Variants in EHBP1 observed in about 807,000 individuals in gnomAD.
EHBP1 encodes EH domain binding protein 1.
A neutral mutation model predicts 144.0 loss-of-function variants in EHBP1; 55 were observed. The ratio of observed to expected loss-of-function variants is 0.38; its 90% CI spans 0.31 to 0.48. The LOEUF (loss-of-function observed/expected upper bound fraction) is 0.48. Among genes scored for constraint, EHBP1 ranks in the 20% least tolerant of loss-of-function variants. The pLI, the probability that EHBP1 is intolerant of heterozygous loss-of-function variation, is 0.98. For missense variants in EHBP1, 1,200 were observed against 1,364.2 expected (o/e 0.88, Z 1.90); for synonymous variants, 469 against 472.7 (o/e 0.99, Z 0.10).
intron 5 of EHBP1, among the ~76,000 whole-genome samples, chr2:62,797,285 G>A (rs1424803485): frequency 6.6e-6 from 1 of 152,194 alleles, no homozygotes; most frequent in East Asian, 1.9e-4. Context: ...AGCACCAACA[G>A]CATACTGGAT....
At chr2:62,864,678 G>A (rs2049902160) in intron 8 of EHBP1, 53 bp from the exon 9 acceptor site, 2 of 1,527,632 alleles carry the variant, frequency 1.3e-6, no homozygotes, top group Non-Finnish European at 1.8e-6. Flanking sequence ...AACAATATTA[G>A]AAAATATCAT....
intron 10 of EHBP1, among the ~76,000 whole-genome samples, chr2:62,911,492 C>T (rs1419514109): frequency 6.6e-6 from 1 of 152,058 alleles, no homozygotes; most frequent in Non-Finnish European, 1.5e-5. Flanking sequence ...GATGGAGTCT[C>T]ACTCTATCGC....
At chr2:62,712,181 C>T (rs776375376) in intron 2 of EHBP1, among the ~76,000 whole-genome samples, 10 of 152,188 alleles carry the variant, frequency 6.6e-5, no homozygotes, top group East Asian at 1.9e-4. Flanking sequence ...CAAGTGGAAA[C>T]GTTGAACTTA....
intron 3 of EHBP1, among the ~76,000 whole-genome samples, chr2:62,757,218 C>G (rs2040365187): frequency 6.6e-6 from 1 of 151,672 alleles, no homozygotes. Flanking sequence ...GCCTTGACAT[C>G]CCTGGGCTCA....
chr2:62,901,374 A>C (rs1424736860), intron 10 of EHBP1, among the ~76,000 whole-genome samples: 1 of 152,200 alleles, frequency 6.6e-6, no homozygotes, highest in South Asian at 2.1e-4. Context: ...GGCCAGTGGC[A>C]TAGTATATTA....
chr2:62,904,805 G>A (rs2053672068), intron 10 of EHBP1, among the ~76,000 whole-genome samples: 1 of 152,090 alleles, frequency 6.6e-6, no homozygotes, highest in African/African-American at 2.4e-5. Flanking sequence ...TGCGGGGGAT[G>A]GAGTCTCTCT....
Position 62,861,598 on chromosome 2 carries a change from C to G in EHBP1, c.757+2307C>G, listed in dbSNP as rs549987048. Among the ~76,000 whole-genome samples the G allele has an allele frequency of 1.3e-3, 204 of 151,788 alleles. 2 individuals carry two copies. The highest frequency in any genetic ancestry group is 2.4e-3 in the Non-Finnish European group (165 of 67,948). ...TCTCTACTTAACATACAAAAGTTAG[C>G]CCAGTGTGGGGCACACACCTATAAT... On this transcript the variant is annotated intron_variant, in intron 8 of 22. Transcript: ENST00000431489.
At chr2:62,709,997 C>T (rs1375043757) in intron 2 of EHBP1, among the ~76,000 whole-genome samples, 1 of 152,042 alleles carries the variant, frequency 6.6e-6, no homozygotes, top group African/African-American at 2.4e-5. Flanking sequence ...GTTTATACCC[C>T]CTACTCTTCT....
rs1169092901 is a variant in EHBP1 at position 62,809,298 on chromosome 2, A to G, written c.313-16789A>G. Among the ~76,000 whole-genome samples, 5 of 146,278 alleles carry G rather than the reference A, an allele frequency of 3.4e-5. No individual in the cohort carries two copies. In the Admixed American group the frequency reaches 3.4e-4, roughly 10 times the overall value. On this transcript the variant is annotated intron_variant, in intron 5 of 22. Transcript: ENST00000431489. ...AGAGTGAGACTATGTCTCAGAAAAA[A>G]AAAAAAAAAAAAAAAAACAAGAAGA...
At chr2:62,714,245 A>G (rs1245511426) in intron 2 of EHBP1, among the ~76,000 whole-genome samples, 1 of 152,208 alleles carries the variant, frequency 6.6e-6, no homozygotes, top group Non-Finnish European at 1.5e-5. Flanking sequence ...GAAAGAAAGA[A>G]AAAGTTTGCT....
intron 4 of EHBP1, among the ~76,000 whole-genome samples, chr2:62,767,528 C>T (rs1273305669): frequency 2.0e-5 from 3 of 151,692 alleles, no homozygotes; most frequent in Non-Finnish European, 4.4e-5. Flanking sequence ...GAAACCCCAT[C>T]TCTACAAAAA....
chr2:62,695,827 C>T (rs2034068097), intron 1 of EHBP1, among the ~76,000 whole-genome samples: 1 of 152,070 alleles, frequency 6.6e-6, no homozygotes, highest in African/African-American at 2.4e-5. Flanking sequence ...ATTCTCCCAC[C>T]CCAGCCTTCC....
chr2:62,721,351 CTT>C (rs1394862066), intron 2 of EHBP1, among the ~76,000 whole-genome samples: 8 of 152,178 alleles, frequency 5.3e-5, no homozygotes, highest in African/African-American at 1.9e-4. Context: ...ATCAACGTGA[CTT>C]ATCACTGGTA....
chr2:62,894,927 A>AAGAGAGAGAGAGAGAGAGAGAGAG (rs57403564), intron 10 of EHBP1, among the ~76,000 whole-genome samples: 45 of 141,212 alleles, frequency 3.2e-4, no homozygotes, highest in African/African-American at 1.2e-3. Context: ...AACAGAAAGA[A>AAGAGAGAGAGAGAGAGAGAGAGAG]AGAGAGAGAG....
chr2:62,936,335 A>G (rs2056383884), intron 10 of EHBP1, among the ~76,000 whole-genome samples: 1 of 152,102 alleles, frequency 6.6e-6, no homozygotes, highest in South Asian at 2.1e-4. Flanking sequence ...AGTAAGCTAT[A>G]CTTTTCTAGG....
At chr2:63,037,298 A>G (rs749606196) in intron 19 of EHBP1, among the ~76,000 whole-genome samples, 8 of 152,014 alleles carry the variant, frequency 5.3e-5, no homozygotes, top group Admixed American at 1.3e-4. Flanking sequence ...TACTGTACTT[A>G]GTGTTAATAT....
At chr2:62,740,242 T>G (rs1037033344) in intron 2 of EHBP1, among the ~76,000 whole-genome samples, 1 of 152,216 alleles carries the variant, frequency 6.6e-6, no homozygotes, top group African/African-American at 2.4e-5. Flanking sequence ...TATTTTTATT[T>G]AACTGACAAA....
At chr2:62,924,905 C>T (rs1477734450) in intron 10 of EHBP1, among the ~76,000 whole-genome samples, 1 of 152,084 alleles carries the variant, frequency 6.6e-6, no homozygotes. Flanking sequence ...CAATAAAAAC[C>T]CACTACAGAC....
Position 62,948,346 on chromosome 2 carries a change from T to A in EHBP1, c.1500T>A (p.Thr500=). The part of the protein sequence containing the change: ...MVLLAIPDKL[T]VMTYLYQIRA... ...TATTAGCAATTCCTGATAAACTGAC[T>A]GTTATGACTTATCTCTATCAAATAA... Residue 500 remains threonine (T), a synonymous_variant, in exon 13 of 23, where the codon ACT becomes ACA. Coordinates refer to ENST00000431489, the MANE Select transcript of EHBP1 (RefSeq NM_001142616.3). 1 of 1,612,964 alleles carries A rather than the reference T, an allele frequency of 6.2e-7. No homozygotes were observed. The highest frequency in any genetic ancestry group is 8.5e-7 in the Non-Finnish European group (1 of 1,179,606).
Sources: gnomAD v4.1 joint callset for allele counts (sites outside exome capture counted in the v4.1 genomes callset) on GRCh38, gnomAD v4.1.1 for gene constraint, MANE v1.5 for transcripts, NCBI Gene and HGNC (gene_info 2026-07-23, HGNC 2026-07-21) for gene names.